POC1B: variants seen among roughly 807,000 people sequenced by gnomAD.
POC1B encodes the protein POC1 centriolar protein B.
Under a neutral mutation model 60.6 loss-of-function variants are expected in POC1B, and 44 were observed. The observed-to-expected ratio is 0.73, with a 90% CI of 0.57 to 0.93. The LOEUF is 0.93. POC1B is among the 40% of genes least tolerant of loss of function. POC1B has a pLI of 0.00. For synonymous variants in POC1B, 180 were observed against 198.9 expected (o/e 0.90, Z 0.80); for missense variants, 555 against 572.3 (o/e 0.97, Z 0.31).
chr12:89,433,575 A>C (rs1881129297), intron 10 of POC1B, among the ~76,000 whole-genome samples: 1 of 152,218 alleles, frequency 6.6e-6, no homozygotes, highest in Non-Finnish European at 1.5e-5. Context: ...CACAGAATGT[A>C]AGTTGGGTAA....
chr12:89,501,932 C>T (rs1869591834), intron 2 of POC1B: 1 of 1,093,732 alleles, frequency 9.1e-7, no homozygotes, highest in African/African-American at 1.5e-5. Flanking sequence ...GATGAAATTT[C>T]CAGTTGTTTC....
chr12:89,507,557 G>A (rs1240755236), intron 2 of POC1B, among the ~76,000 whole-genome samples: 1 of 152,136 alleles, frequency 6.6e-6, no homozygotes, highest in Non-Finnish European at 1.5e-5. Flanking sequence ...CAAAAGGGAG[G>A]AAATTAAGGG....
At chr12:89,516,730 G>T (rs1284207378) in intron 2 of POC1B, among the ~76,000 whole-genome samples, 1 of 152,072 alleles carries the variant, frequency 6.6e-6, no homozygotes, top group African/African-American at 2.4e-5. Context: ...TGAAATCATG[G>T]TGTTGGCCGG....
At chr12:89,520,487 C>A (rs548749074) in intron 2 of POC1B, 22 of 152,048 alleles carry the variant, frequency 1.4e-4, no homozygotes, top group African/African-American at 5.3e-4. Context: ...GAATCCCTTT[C>A]GAAAAATTCA....
chr12:89,412,126 A>G, the POC1B span, among the ~76,000 whole-genome samples: 1 of 152,232 alleles, frequency 6.6e-6, no homozygotes, highest in South Asian at 2.1e-4. Context: ...TTTCATCAGA[A>G]TTAAGAGATG....
At chr12:89,489,161 T>A (rs943926185) in intron 4 of POC1B, among the ~76,000 whole-genome samples, 1 of 152,234 alleles carries the variant, frequency 6.6e-6, no homozygotes, top group Non-Finnish European at 1.5e-5. Context: ...GTGATGAGAA[T>A]GACAGCTAAG....
At chr12:89,421,757 G>T (rs1192109387) in intron 11 of POC1B, among the ~76,000 whole-genome samples, 1 of 152,042 alleles carries the variant, frequency 6.6e-6, no homozygotes, top group Non-Finnish European at 1.5e-5. Context: ...CCTAACAATC[G>T]CCTCCAGTTC....
At chr12:89,431,434 TACACAC>T (rs370664797) in intron 10 of POC1B, among the ~76,000 whole-genome samples, 7 of 149,506 alleles carry the variant, frequency 4.7e-5, no homozygotes, top group Admixed American at 6.7e-5. Context: ...TTTAAATCAC[TACACAC>T]ACACACACAC....
intron 10 of POC1B, among the ~76,000 whole-genome samples, chr12:89,447,431 T>C (rs893304526): frequency 6.6e-6 from 1 of 152,188 alleles, no homozygotes; most frequent in African/African-American, 2.4e-5. Flanking sequence ...AATTTTACTG[T>C]GTACGGAACT....
chr12:89,402,072 T>A, the POC1B span, among the ~76,000 whole-genome samples: 1 of 152,308 alleles, frequency 6.6e-6, no homozygotes, highest in African/African-American at 2.4e-5. Flanking sequence ...GTAGGAAGCC[T>A]TGGAAGTGGC....
intron 3 of POC1B, among the ~76,000 whole-genome samples, chr12:89,496,080 A>C (rs974278331): frequency 6.6e-6 from 1 of 152,008 alleles, no homozygotes; most frequent in Non-Finnish European, 1.5e-5. Flanking sequence ...TTATTATTAC[A>C]TACTCACTAT....
intron 10 of POC1B, among the ~76,000 whole-genome samples, chr12:89,454,490 G>A (rs1882175722): frequency 6.6e-6 from 1 of 152,092 alleles, no homozygotes; most frequent in Non-Finnish European, 1.5e-5. Flanking sequence ...CACAAGTCAC[G>A]TCATGTCCCT....
chr12:89,411,036 T>C, the POC1B span, among the ~76,000 whole-genome samples: 1 of 152,034 alleles, frequency 6.6e-6, no homozygotes, highest in African/African-American at 2.4e-5. Context: ...ATAAAGATAA[T>C]TGAATACCTA....
Position 89,421,055 on chromosome 12 carries a change from G to T in POC1B, c.*98C>A. 1 of 877,174 alleles carries T rather than the reference G, an allele frequency of 1.1e-6. No homozygotes were observed. The highest frequency in any genetic ancestry group is 1.7e-6 in the Non-Finnish European group (1 of 583,204). 54.3% of individuals were successfully genotyped at this position (877,174 alleles called of 1,614,324 possible). On this transcript the variant is annotated 3_prime_UTR_variant, in exon 12 of 12. Transcript: ENST00000313546. The stretch of plus-strand genomic sequence containing the variant: ...GAAATGCCATGATAAATAGCACATG[G>T]TTGTGTTGTATGGAGTATCTTGTAC...
In POC1B at chr12:89,497,255, A is replaced by G. The variant is rs768323759; in HGVS notation, c.188T>C (p.Val63Ala). 8.1e-6 allele frequency: 13 copies of G among 1,613,568 alleles called. No homozygotes were observed. In the East Asian group the frequency reaches 2.7e-4, roughly 33 times the overall value. ...AYRYVGHKDV[V>A]TSVQFSPHGN... ...ATGTGGAGAAAACTGCACGCTGGTT[A>G]CAACATCCTTGTGACCCACATATCT... The change falls in exon 3 of 12, where the codon GTA becomes GCA. Residue 63 changes from valine to alanine, a missense_variant. Coordinates refer to ENST00000313546, the MANE Select transcript of POC1B (RefSeq NM_172240.3).
chr12:89,526,037 G>T lies in POC1B; in HGVS notation c.-142C>A. The T allele has an allele frequency of 6.5e-7, 1 of 1,534,778 alleles. No individual in the cohort carries two copies. On this transcript the variant is annotated 5_prime_UTR_variant, in exon 1 of 12. Coordinates refer to ENST00000313546, the MANE Select transcript of POC1B (RefSeq NM_172240.3). ...GCGCCTCCCGGTCACTACAACAACG[G>T]CGGCCCAGTCAAACCCCGCGCTCCA...
intron 1 of POC1B, chr12:89,525,671 G>A: frequency 1.6e-6 from 2 of 1,246,132 alleles, no homozygotes; most frequent in South Asian, 2.6e-5. Context: ...ACTCGGGGAA[G>A]AGCGTCCGGG....
chr12:89,453,815 A>G (rs186458544), intron 10 of POC1B, among the ~76,000 whole-genome samples: 1 of 152,326 alleles, frequency 6.6e-6, no homozygotes, highest in African/African-American at 2.4e-5. Context: ...CTGTTGCCAC[A>G]ACATTCATGG....
Position 89,504,271 on chromosome 12 carries a change from T to C in POC1B, c.101-6929A>G, listed in dbSNP as rs111939983. ...TTTGTTCTGTACTAAGAAAGATTCTTCTGCTTTGGGATGCTGTTGATCTAT... is the reference window on the plus strand; with the variant it reads ...TTTGTTCTGTACTAAGAAAGATTCTCCTGCTTTGGGATGCTGTTGATCTAT... On this transcript the variant is annotated intron_variant, in intron 2 of 11. Transcript: ENST00000313546. 3.5e-3 allele frequency among the ~76,000 whole-genome samples: 530 copies of C among 152,382 alleles called. 4 individuals carry two copies. The highest frequency in any genetic ancestry group is 0.012 in the African/African-American group (486 of 41,592).
Sources: allele counts gnomAD v4.1 joint callset (sites outside exome capture counted in the v4.1 genomes callset), GRCh38; gene constraint gnomAD v4.1.1; transcripts MANE v1.5; gene names NCBI Gene and HGNC (gene_info 2026-07-23, HGNC 2026-07-21).